Variants in RAB32 observed in about 807,000 individuals in gnomAD.
RAB32 encodes the protein RAB32, member RAS oncogene family, also known as ras-related protein Rab-32.
Under a neutral mutation model 17.5 loss-of-function variants are expected in RAB32, and 17 were observed. The ratio of observed to expected loss-of-function variants is 0.97; its 90% CI spans 0.67 to 1.46. The LOEUF (loss-of-function observed/expected upper bound fraction) is 1.46, where lower values mean the gene tolerates loss of function less well. Ranked by LOEUF, RAB32 falls within the 40% of genes most tolerant of loss-of-function variation. RAB32 has a pLI of 0.00. For missense variants in RAB32, 288 were observed against 284.3 expected, an observed-to-expected ratio of 1.01 and a Z score of -0.09; for synonymous variants, 115 against 111.1, an observed-to-expected ratio of 1.04 and a Z score of -0.22.
chr6:146,544,086 G>C lies in RAB32; in HGVS notation c.215G>C (p.Arg72Thr), dbSNP rs1178428926. 2 of 1,613,414 alleles carry C rather than the reference G, an allele frequency of 1.2e-6. No individual in the cohort carries two copies. The highest frequency in any genetic ancestry group is 1.3e-5 in the African/African-American group (1 of 74,920). ...FALKVLNWDSRTLVRLQLWDI... is the reference protein window; with the variant it reads ...FALKVLNWDSTTLVRLQLWDI... ...CTCAAGGTCCTCAACTGGGACAGCA[G>C]GACTCTGGTGCGCCTGCAGCTGTGG... The change falls in exon 1 of 3, where the codon AGG becomes ACG. Residue 72 changes from arginine to threonine, a missense_variant. By Grantham distance (71) the Arg-to-Thr change is moderately conservative (BLOSUM62 -1). Transcript: ENST00000367495.
rs577389304 is a variant in RAB32, at chr6:146,552,367, A to G, written c.529-2089A>G. ...TAACACTTATCTTGGGAGTGGAGGT[A>G]AAAAATAAATAAAAAGCTTGTTTCA... On this transcript the variant is annotated intron_variant, in intron 2 of 2. Coordinates refer to ENST00000367495, the MANE Select transcript of RAB32 (RefSeq NM_006834.5). Among the ~76,000 whole-genome samples, 16 of 152,326 alleles carry G rather than the reference A, an allele frequency of 1.1e-4. No individual in the cohort carries two copies. In the South Asian group the frequency reaches 2.5e-3, roughly 24 times the overall value.
At chr6:146,549,273 A>C (rs755785364) in intron 1 of RAB32, among the ~76,000 whole-genome samples, 191 bp from the exon 2 acceptor site, 5 of 152,184 alleles carry the variant, frequency 3.3e-5, no homozygotes, top group Non-Finnish European at 5.9e-5. Context: ...TATGTACTTA[A>C]ACCAAATTAT....
At chr6:146,550,962 C>T (rs1276569330) in intron 2 of RAB32, among the ~76,000 whole-genome samples, 2 of 152,108 alleles carry the variant, frequency 1.3e-5, no homozygotes, top group Non-Finnish European at 2.9e-5. Context: ...AAATCACCCA[C>T]CTCATTCTGG....
chr6:146,550,205 G>A lies in RAB32; in HGVS notation c.528+464G>A, dbSNP rs551345712. 7.2e-5 allele frequency among the ~76,000 whole-genome samples: 11 copies of A among 152,320 alleles called. No homozygotes were observed. The South Asian group carries it at 2.1e-3, about 29-fold the overall frequency. On this transcript the variant is annotated intron_variant, in intron 2 of 2. Coordinates refer to ENST00000367495, the MANE Select transcript of RAB32 (RefSeq NM_006834.5). ...GAAGAGTTTTAGGTTAACTGTGTACGAAAGATTTGAAACAGCCAGAAAGTA... is the reference window on the plus strand; with the variant it reads ...GAAGAGTTTTAGGTTAACTGTGTACAAAAGATTTGAAACAGCCAGAAAGTA...
At chr6:146,550,599 G>A (rs1182812941) in intron 2 of RAB32, among the ~76,000 whole-genome samples, 1 of 150,600 alleles carries the variant, frequency 6.6e-6, no homozygotes, top group East Asian at 2.0e-4. Context: ...AGAGGTTGCA[G>A]TGAGCCGAGA....
chr6:146,551,667 A>G (rs1330835204), intron 2 of RAB32, among the ~76,000 whole-genome samples: 1 of 151,894 alleles, frequency 6.6e-6, no homozygotes, highest in South Asian at 2.1e-4. Flanking sequence ...TATAAATGAT[A>G]GACAAAATTC....
chr6:146,553,778 C>G (rs1779924752), intron 2 of RAB32, among the ~76,000 whole-genome samples: 1 of 151,952 alleles, frequency 6.6e-6, no homozygotes, highest in Non-Finnish European at 1.5e-5. Flanking sequence ...ACTTTTTTTG[C>G]AATGTTTTTG....
rs535843534 is a variant in RAB32 at position 146,546,426 on chromosome 6, CAAAAACAAAAA to C, written c.250+2320_250+2330del. On this transcript the variant is annotated intron_variant, in intron 1 of 2. Transcript: ENST00000367495. ...GGAGAAAAATAGCTTAGTGAGAGAC[CAAAAACAAAAA>C]AAAAACAAAAAAAACTGTTTTAGAG... Among the ~76,000 whole-genome samples, 805 of 91,924 alleles carry C rather than the reference CAAAAACAAAAA, an allele frequency of 8.8e-3. 4 individuals carry two copies. The highest frequency in any genetic ancestry group is 0.024 in the African/African-American group (759 of 32,104). The allele number at this position is 91,924 out of a possible 152,430, so 60.3% of individuals were successfully genotyped here.
At position 146,548,497 on chromosome 6, in the gene RAB32, T is replaced by A. The variant is rs148443095; in HGVS notation, c.251-967T>A. Among the ~76,000 whole-genome samples, 619 of 152,306 alleles carry A rather than the reference T, an allele frequency of 4.1e-3. 6 individuals carry two copies. Among genetic ancestry groups the A allele is most frequent in the African/African-American group, 0.014 (594 of 41,578 alleles). On this transcript the variant is annotated intron_variant, in intron 1 of 2. Coordinates refer to ENST00000367495, the MANE Select transcript of RAB32 (RefSeq NM_006834.5). ...AGAACAGAGTGATACATCTTAGATG[T>A]GCATTGATTGCCAATCATTTTTCCT...
At chr6:146,546,102 T>C (rs1235728721) in intron 1 of RAB32, among the ~76,000 whole-genome samples, 1 of 152,186 alleles carries the variant, frequency 6.6e-6, no homozygotes, top group Non-Finnish European at 1.5e-5. Flanking sequence ...AGACCTCGAA[T>C]GACAGGAAGG....
intron 2 of RAB32, among the ~76,000 whole-genome samples, chr6:146,552,942 A>G (rs1054744655): frequency 6.6e-6 from 1 of 152,246 alleles, no homozygotes; most frequent in African/African-American, 2.4e-5. Flanking sequence ...ATGTAAGACA[A>G]TTTGAGCAAC....
In RAB32 at chr6:146,543,899, G is replaced by C. The variant is rs559828400; in HGVS notation, c.28G>C (p.Gly10Arg). 6.4e-7 allele frequency: 1 copy of C among 1,568,678 alleles called. No individual in the cohort carries two copies. The highest frequency in any genetic ancestry group is 1.4e-5 in the African/African-American group (1 of 72,386). The change falls in exon 1 of 3, where the codon GGC becomes CGC. Residue 10 changes from glycine to arginine, a missense_variant. Gly to Arg is a moderately radical substitution (Grantham distance 125). Coordinates refer to ENST00000367495, the MANE Select transcript of RAB32 (RefSeq NM_006834.5). ...GGCGGGCGGAGGAGCCGGGGACCCC[G>C]GCCTGGGGGCGGCCGCCGCCCCAGC... MAGGGAGDPGLGAAAAPAPE... is the reference protein window; with the variant it reads MAGGGAGDPRLGAAAAPAPE...
At position 146,543,962 on chromosome 6, in the gene RAB32, AT is replaced by A; in HGVS notation, c.92del (p.Ile31ThrfsTer61). 6.2e-7 allele frequency: 1 copy of A among 1,613,094 alleles called. No homozygotes were observed. The highest frequency in any genetic ancestry group is 8.5e-7 in the Non-Finnish European group (1 of 1,179,770). ...CGAGCACCTCTTCAAGGTGCTGGTG[AT>A]CGGCGAGCTTGGCGTGGGCAAGACC... is the stretch of plus-strand genomic sequence containing the variant. Reference protein sequence around the residue: ...TREHLFKVLVIGELGVGKTSI... With the variant: ...TREHLFKVLVXGELGVGKTSI... On this transcript the variant is annotated frameshift_variant, in exon 1 of 3. Transcript: ENST00000367495. LOFTEE classifies it high-confidence loss of function.
At chr6:146,552,053 G>C (rs1028648802) in intron 2 of RAB32, among the ~76,000 whole-genome samples, 1 of 152,124 alleles carries the variant, frequency 6.6e-6, no homozygotes, top group East Asian at 1.9e-4. Context: ...TCTGACTTTT[G>C]CTTGAATTGC....
chr6:146,553,696 A>T (rs969679120), intron 2 of RAB32, among the ~76,000 whole-genome samples: 19 of 152,130 alleles, frequency 1.2e-4, no homozygotes, highest in African/African-American at 4.6e-4. Context: ...TAATTTCCTG[A>T]TTTTGATAGT....
chr6:146,544,340 A>T (rs1267077589), intron 1 of RAB32, among the ~76,000 whole-genome samples: 1 of 152,054 alleles, frequency 6.6e-6, no homozygotes, highest in Non-Finnish European at 1.5e-5. Flanking sequence ...CAGGTCCTGC[A>T]CGCCAGAGCT....
chr6:146,550,549 C>T (rs1451895319), intron 2 of RAB32, among the ~76,000 whole-genome samples: 6 of 151,054 alleles, frequency 4.0e-5, no homozygotes, highest in African/African-American at 7.3e-5. Flanking sequence ...CCTAGCTTCT[C>T]GGGAGGCTAA....
At chr6:146,551,592 G>GAA (rs35080011) in intron 2 of RAB32, among the ~76,000 whole-genome samples, 9,213 of 144,708 alleles carry the variant, frequency 0.064, 1,010 homozygotes, top group African/African-American at 0.22. Flanking sequence ...GTAAAAAGAC[G>GAA]AAAAAAAAAA....
intron 1 of RAB32, among the ~76,000 whole-genome samples, chr6:146,548,672 C>G (rs936823480): frequency 6.6e-6 from 1 of 152,160 alleles, no homozygotes; most frequent in East Asian, 1.9e-4. Flanking sequence ...GCCAAGCATC[C>G]ATTTTCCTGT....
Sources: allele counts gnomAD v4.1 joint callset (sites outside exome capture counted in the v4.1 genomes callset), GRCh38; gene constraint gnomAD v4.1.1; transcripts MANE v1.5; gene names NCBI Gene and HGNC (gene_info 2026-07-23, HGNC 2026-07-21).